Variants in ALMS1 observed in about 807,000 individuals in gnomAD.
The protein encoded by ALMS1 is ALMS1 centrosome and basal body associated protein, also known as centrosome-associated protein ALMS1.
In ALMS1, 271 loss-of-function variants were observed where a neutral mutation model predicts 352.2. That is an observed-to-expected ratio of 0.77 (90% CI 0.70 to 0.85). The LOEUF (loss-of-function observed/expected upper bound fraction) is 0.85. Ranked by LOEUF, ALMS1 falls within the 40% of genes least tolerant of loss-of-function variation. The pLI, the probability that ALMS1 is intolerant of heterozygous loss-of-function variation, is 0.00. For missense variants in ALMS1, 5,445 were observed against 4,870.7 expected, an observed-to-expected ratio of 1.12 and a Z score of -3.51; for synonymous variants, 1,865 against 1,761.2, an observed-to-expected ratio of 1.06 and a Z score of -1.48.
intron 7 of ALMS1, among the ~76,000 whole-genome samples, chr2:73,436,307 T>A (rs6759464): frequency 6.6e-6 from 1 of 152,146 alleles, no homozygotes; most frequent in Admixed American, 6.5e-5. Flanking sequence ...TTCCAAGATA[T>A]GCTCTTTGTC....
At chr2:73,397,997 T>G (rs1037926611) in intron 1 of ALMS1, among the ~76,000 whole-genome samples, 8 of 152,240 alleles carry the variant, frequency 5.3e-5, no homozygotes, top group African/African-American at 1.7e-4. Context: ...GCTTATCAAT[T>G]ATTTCTTTCA....
rs1167632221 is a variant in ALMS1 at position 73,519,786 on chromosome 2, A to T, written c.9551A>T (p.Lys3184Met). The T allele has an allele frequency of 6.2e-7, 1 of 1,614,086 alleles. No individual in the cohort carries two copies. The highest frequency in any genetic ancestry group is 1.1e-5 in the South Asian group (1 of 91,078). ...TPVFADRLPEKMKTPLSAFSE... is the reference protein window; with the variant it reads ...TPVFADRLPEMMKTPLSAFSE... ...TCTTTTTTGGTCAGATTACCAGAGA[A>T]GATGAAGACCCCACTTTCTGCTTTC... The change falls in exon 11 of 23, where the codon AAG (lysine) becomes ATG (methionine). Residue 3184 changes from lysine (K) to methionine (M), a missense_variant. Coordinates refer to ENST00000613296, the MANE Select transcript of ALMS1 (RefSeq NM_001378454.1).
chr2:73,417,644 G>A (rs1671203195), intron 2 of ALMS1, among the ~76,000 whole-genome samples: 1 of 151,822 alleles, frequency 6.6e-6, no homozygotes, highest in Non-Finnish European at 1.5e-5. Context: ...AGTCCATCCT[G>A]GGCAACATAG....
At chr2:73,558,878 A>G in intron 14 of ALMS1, 94 bp from the exon 15 acceptor site, 1 of 1,357,552 alleles carries the variant, frequency 7.4e-7, no homozygotes, top group Non-Finnish European at 1.0e-6. Flanking sequence ...AATATCAGTA[A>G]CAAAGCCTTT....
chr2:73,517,247 T>TTTTTTTTTTTTTTC (rs2103956722), intron 10 of ALMS1, among the ~76,000 whole-genome samples: 1 of 97,830 alleles, frequency 1.0e-5, no homozygotes, highest in Non-Finnish European at 2.0e-5. Context: ...AGTTTTAGTC[T>TTTTTTTTTTTTTTC]TTTTTTTTTT....
chr2:73,424,793 T>C lies in ALMS1; in HGVS notation c.1128T>C (p.Thr376=), dbSNP rs887851505. The C allele has an allele frequency of 5.6e-6, 9 of 1,612,758 alleles. No individual in the cohort carries two copies. The highest frequency in any genetic ancestry group is 1.6e-4 in the Middle Eastern group (1 of 6,074). Residue 376 remains threonine (T), a synonymous_variant, in exon 5 of 23, where the codon ACT becomes ACC. Transcript: ENST00000613296. The part of the protein sequence containing the change: ...QVSVATSFDI[T]DENIATKRSD... ...CAGTTGCAACTTCATTTGACATAAC[T>C]GATGAAAACATAGCTACTAAAAGAA...
chr2:73,571,142 A>G (rs1386628799), intron 15 of ALMS1, among the ~76,000 whole-genome samples: 1 of 152,206 alleles, frequency 6.6e-6, no homozygotes, highest in Non-Finnish European at 1.5e-5. Flanking sequence ...GTATAAATGC[A>G]GGCCCTGTGT....
chr2:73,397,839 C>T (rs1670794164), intron 1 of ALMS1, among the ~76,000 whole-genome samples: 1 of 152,186 alleles, frequency 6.6e-6, no homozygotes, highest in Admixed American at 6.5e-5. Context: ...CCCATCTGTG[C>T]CCTGCCCCTC....
intron 9 of ALMS1, 22 bp from the exon 10 acceptor site, chr2:73,489,612 C>A (rs1558666468): frequency 4.3e-6 from 7 of 1,613,764 alleles, no homozygotes; most frequent in Non-Finnish European, 5.1e-6. Flanking sequence ...CAAATAAGAA[C>A]CTGTTTGTTT....
intron 1 of ALMS1, among the ~76,000 whole-genome samples, chr2:73,394,992 A>ATATATATGTG (rs1553397357): frequency 3.0e-4 from 37 of 122,026 alleles, no homozygotes; most frequent in African/African-American, 1.0e-3. Flanking sequence ...ATATATGTGT[A>ATATATATGTG]TATATATATG....
chr2:73,445,261 T>C lies in ALMS1; in HGVS notation c.1433-2699T>C, dbSNP rs561531112. 3.9e-5 allele frequency among the ~76,000 whole-genome samples: 6 copies of C among 152,274 alleles called. No individual in the cohort carries two copies. In the South Asian group the frequency reaches 6.2e-4, roughly 16 times the overall value. ...CTTTATGTTGTGAAAATTCCAGTTA[T>C]ACTCTTTTAATTTAAAATGCGTTAT... On this transcript the variant is annotated intron_variant, in intron 7 of 22. Transcript: ENST00000613296.
intron 2 of ALMS1, among the ~76,000 whole-genome samples, chr2:73,409,200 T>G (rs188115906): frequency 1.2e-4 from 19 of 152,198 alleles, no homozygotes; most frequent in African/African-American, 4.6e-4. Flanking sequence ...TCTAATAGAT[T>G]GTTGTAAACT....
At chr2:73,441,425 G>A (rs1349079559) in intron 7 of ALMS1, among the ~76,000 whole-genome samples, 1 of 152,130 alleles carries the variant, frequency 6.6e-6, no homozygotes, top group Non-Finnish European at 1.5e-5. Flanking sequence ...TCTCTGCCTG[G>A]TTTTTGCTGG....
In ALMS1 at chr2:73,400,393, CTGT is replaced by C. The variant is rs558831636; in HGVS notation, c.325-8224_325-8222del. On this transcript the variant is annotated intron_variant, in intron 1 of 22. Coordinates refer to ENST00000613296, the MANE Select transcript of ALMS1 (RefSeq NM_001378454.1). ...ATTGATATTCATGGGAGATAATGGT[CTGT>C]TGTTTTCTTTTTTGGTAATATGTTT... 1.6e-3 allele frequency among the ~76,000 whole-genome samples: 249 copies of C among 152,260 alleles called. 2 individuals are homozygous for C. Among genetic ancestry groups the C allele is most frequent in the South Asian group, 1.2e-3 (6 of 4,824 alleles).
chr2:73,510,293 T>A (rs916085478), intron 10 of ALMS1, among the ~76,000 whole-genome samples: 1 of 152,168 alleles, frequency 6.6e-6, no homozygotes, highest in African/African-American at 2.4e-5. Context: ...AGAAGAGGCA[T>A]TCTGGTTTTG....
intron 10 of ALMS1, among the ~76,000 whole-genome samples, chr2:73,505,115 G>C (rs1030384793): frequency 2.0e-5 from 3 of 152,050 alleles, no homozygotes; most frequent in African/African-American, 7.3e-5. Flanking sequence ...TCTTTATCCA[G>C]TCTAATATTG....
chr2:73,489,635 G>T lies in ALMS1; in HGVS notation c.7676G>T (p.Gly2559Val), dbSNP rs1248528012. The T allele has an allele frequency of 9.9e-6, 16 of 1,614,078 alleles. No homozygotes were observed. Among genetic ancestry groups the T allele is most frequent in the Non-Finnish European group, 1.2e-5 (14 of 1,180,018 alleles). ...GHGRTTDLSKGLQSPRGMGCK... is the reference protein window; with the variant it reads ...GHGRTTDLSKVLQSPRGMGCK... ...AACCTGTTTGTTTGTATCTTCTAGGGTTTACAGAGTCCACGGGGAATGGGA... is the reference window on the plus strand; with the variant it reads ...AACCTGTTTGTTTGTATCTTCTAGGTTTTACAGAGTCCACGGGGAATGGGA... The change falls in exon 10 of 23, where the codon GGT (glycine) becomes GTT (valine). Residue 2559 changes from glycine to valine, a missense_variant and splice_region_variant. Gly to Val is a moderately radical substitution (Grantham distance 109). Transcript: ENST00000613296.
rs376519124 is a variant in ALMS1 at position 73,424,697 on chromosome 2, A to G, written c.1032A>G (p.Ser344=). ...KDCDRYDDLC[S]YMSWKTRKDT... is the part of the protein sequence containing the mutation. ...GTGATCGTTATGATGATCTTTGTTC[A>G]TATATGTCATGGAAGACACGAAAAG... is the stretch of plus-strand genomic sequence containing the variant. The change falls in exon 5 of 23, where the codon TCA becomes TCG. Residue 344 remains serine (S), a synonymous_variant. Coordinates refer to ENST00000613296, the MANE Select transcript of ALMS1 (RefSeq NM_001378454.1). The G allele has an allele frequency of 7.2e-5, 117 of 1,614,146 alleles. No individual in the cohort carries two copies. Among genetic ancestry groups the G allele is most frequent in the East Asian group, 6.9e-4 (31 of 44,864 alleles).
intron 9 of ALMS1, among the ~76,000 whole-genome samples, chr2:73,484,162 C>G (rs1308072041): frequency 1.3e-5 from 2 of 151,604 alleles, no homozygotes; most frequent in African/African-American, 4.9e-5. Flanking sequence ...CAGTTTCTTC[C>G]TAGTCTTGAT....
Sources: allele counts gnomAD v4.1 joint callset (sites outside exome capture counted in the v4.1 genomes callset), GRCh38; gene constraint gnomAD v4.1.1; transcripts MANE v1.5; gene names NCBI Gene and HGNC (gene_info 2026-07-23, HGNC 2026-07-21).